The following TTLL7 variants were observed in gnomAD, a reference collection of about 807,000 sequenced individuals.
The protein encoded by TTLL7 is tubulin tyrosine ligase like 7, also known as tubulin polyglutamylase TTLL7.
Under a neutral mutation model 120.2 loss-of-function variants are expected in TTLL7, and 53 were observed. That is an observed-to-expected ratio of 0.44 (90% confidence interval 0.35 to 0.55). TTLL7 has a LOEUF of 0.55. Among genes scored for constraint, TTLL7 ranks in the 20% least tolerant of loss-of-function variants. TTLL7 has a pLI of 0.00. For missense variants in TTLL7, 803 were observed against 1,054.7 expected, an observed-to-expected ratio of 0.76 and a Z score of 3.31; for synonymous variants, 353 against 351.7, an observed-to-expected ratio of 1.00 and a Z score of -0.04.
chr1:83,911,397 A>G (rs1408474), intron 14 of TTLL7, 34 bp from the exon 15 acceptor site: 47,470 of 1,533,574 alleles, frequency 0.031, 930 homozygotes, highest in African/African-American at 0.069. Context: ...TTTTGTTAGA[A>G]TTCTTAAAAA....
intron 18 of TTLL7, among the ~76,000 whole-genome samples, chr1:83,895,249 G>T (rs1656112743): frequency 6.6e-6 from 1 of 151,974 alleles, no homozygotes; most frequent in African/African-American, 2.4e-5. Flanking sequence ...GGTCCCCAAG[G>T]CTTAAGACAA....
rs1001795602 is a variant in TTLL7, at chr1:83,950,388, T to C, written c.158-402A>G. 2.0e-5 allele frequency among the ~76,000 whole-genome samples: 3 copies of C among 152,146 alleles called. No homozygotes were observed. The South Asian group carries it at 6.2e-4, about 31-fold the overall frequency. ...CAAAAGTAAAAATATCCCCTGATCA[T>C]CACACCTATGCCATACTTTCCACCT... On this transcript the variant is annotated intron_variant, in intron 3 of 20. Coordinates refer to ENST00000260505, the MANE Select transcript of TTLL7 (RefSeq NM_024686.6).
At chr1:83,978,426 T>C (rs914979514) in intron 1 of TTLL7, among the ~76,000 whole-genome samples, 3 of 152,230 alleles carry the variant, frequency 2.0e-5, no homozygotes, top group East Asian at 1.9e-4. Context: ...AGATAAATTA[T>C]AGTCAGTTAA....
At chr1:83,877,741 C>T (rs1273011101) in intron 20 of TTLL7, among the ~76,000 whole-genome samples, 5 of 151,778 alleles carry the variant, frequency 3.3e-5, no homozygotes, top group Non-Finnish European at 7.4e-5. Context: ...CAGTCTCACC[C>T]GGTATTTACC....
rs369875894 is a variant in TTLL7, at chr1:83,947,330, T to C, written c.348-48A>G. 2.2e-4 allele frequency: 328 copies of C among 1,512,926 alleles called. 1 individual carries two copies. The highest frequency in any genetic ancestry group is 2.8e-4 in the Non-Finnish European group (308 of 1,119,582). The allele number at this position is 1,512,926 out of a possible 1,614,324, so 93.7% of individuals were successfully genotyped here. On this transcript the variant is annotated intron_variant, in intron 5 of 20. Coordinates refer to ENST00000260505, the MANE Select transcript of TTLL7 (RefSeq NM_024686.6). ...AAAATAATTTCTATTCAAACTAGCA[T>C]ATATTTTCTTTCTCTGGGCTACTGA... is the stretch of plus-strand genomic sequence containing the variant.
At chr1:83,873,681 T>C (rs116103329) in intron 20 of TTLL7, among the ~76,000 whole-genome samples, 4,432 of 152,280 alleles carry the variant, frequency 0.029, 99 homozygotes, top group Middle Eastern at 0.092. Context: ...AGTACAAACA[T>C]AGAGCCTGCA....
At position 83,892,361 on chromosome 1, in the gene TTLL7, T is replaced by C. The variant is rs61766867; in HGVS notation, c.2209-1880A>G. ...GAATATATATACGAATATATATGAA[T>C]ATATATACGAATATATATGAATATA... On this transcript the variant is annotated intron_variant, in intron 18 of 20. Coordinates refer to ENST00000260505, the MANE Select transcript of TTLL7 (RefSeq NM_024686.6). 1.8e-3 allele frequency among the ~76,000 whole-genome samples: 223 copies of C among 126,420 alleles called. 11 individuals carry two copies. Among genetic ancestry groups the C allele is most frequent in the African/African-American group, 5.7e-3 (188 of 33,114 alleles). 82.9% of individuals were successfully genotyped at this position (126,420 alleles called of 152,430 possible).
intron 10 of TTLL7, among the ~76,000 whole-genome samples, chr1:83,927,645 G>A (rs1022524782): frequency 3.3e-5 from 5 of 152,144 alleles, no homozygotes; most frequent in African/African-American, 9.7e-5. Context: ...ATTCTATTTA[G>A]GTTCTTGAGC....
intron 20 of TTLL7, among the ~76,000 whole-genome samples, chr1:83,875,194 T>C (rs890754488): frequency 6.6e-6 from 1 of 151,998 alleles, no homozygotes; most frequent in Non-Finnish European, 1.5e-5. Flanking sequence ...CTGACCTTTA[T>C]GGTAATTACT....
At chr1:83,901,262 T>C (rs997391658) in intron 18 of TTLL7, among the ~76,000 whole-genome samples, 1 of 151,994 alleles carries the variant, frequency 6.6e-6, no homozygotes, top group Non-Finnish European at 1.5e-5. Flanking sequence ...TATAAACTTA[T>C]CCTTCTGTAT....
chr1:83,891,395 A>G (rs1655447077), intron 18 of TTLL7, among the ~76,000 whole-genome samples: 1 of 152,156 alleles, frequency 6.6e-6, no homozygotes, highest in Non-Finnish European at 1.5e-5. Flanking sequence ...GCTGACAAAA[A>G]TTAAAAGTCT....
intron 1 of TTLL7, among the ~76,000 whole-genome samples, chr1:83,960,608 G>GATC (rs1649928488): frequency 6.6e-6 from 1 of 152,048 alleles, no homozygotes; most frequent in African/African-American, 2.4e-5. Flanking sequence ...TTGCAATAAG[G>GATC]GTGGATGAAA....
At chr1:83,928,993 A>C (rs1659366339) in intron 10 of TTLL7, 143 bp downstream of exon 10, 2 of 403,068 alleles carry the variant, frequency 5.0e-6, no homozygotes, top group African/African-American at 4.2e-5. Context: ...GAAATGAAAA[A>C]TACAAAATGG....
chr1:83,936,967 C>CT (rs548988075), intron 8 of TTLL7, among the ~76,000 whole-genome samples: 4 of 152,106 alleles, frequency 2.6e-5, no homozygotes, highest in African/African-American at 9.6e-5. Flanking sequence ...TGTCTGACAC[C>CT]TAAGGACCTT....
intron 20 of TTLL7, among the ~76,000 whole-genome samples, chr1:83,871,701 C>T (rs1375474574): frequency 6.6e-6 from 1 of 151,936 alleles, no homozygotes; most frequent in East Asian, 1.9e-4. Flanking sequence ...CGAGACCATC[C>T]TGGCTAACAT....
rs80117818 is a variant in TTLL7, at chr1:83,887,575, T to C, written c.2369+2746A>G. Among the ~76,000 whole-genome samples, 5 of 152,202 alleles carry C rather than the reference T, an allele frequency of 3.3e-5. No individual in the cohort carries two copies. The South Asian group carries it at 8.3e-4, about 25-fold the overall frequency. ...ACTAAATTGAAAGAAGTAGATGAGA[T>C]TGGAGTCAAATCGGTCTCAAAACTA... On this transcript the variant is annotated intron_variant, in intron 19 of 20. Coordinates refer to ENST00000260505, the MANE Select transcript of TTLL7 (RefSeq NM_024686.6).
chr1:83,973,798 T>A (rs1193380666), intron 1 of TTLL7, among the ~76,000 whole-genome samples: 1 of 152,012 alleles, frequency 6.6e-6, no homozygotes, highest in African/African-American at 2.4e-5. Flanking sequence ...ATGACTTCAT[T>A]TACACGAGGT....
chr1:83,897,457 T>A (rs1193649163), intron 18 of TTLL7, among the ~76,000 whole-genome samples: 2 of 152,220 alleles, frequency 1.3e-5, no homozygotes, highest in Non-Finnish European at 1.5e-5. Context: ...GTTTGTTAAA[T>A]TAAAATGTAT....
At chr1:83,900,700 G>A (rs1656646811) in intron 18 of TTLL7, among the ~76,000 whole-genome samples, 1 of 151,912 alleles carries the variant, frequency 6.6e-6, no homozygotes, top group South Asian at 2.1e-4. Context: ...TCTTTTACAC[G>A]TTCAGGCAAT....
Sources: gnomAD v4.1 joint callset for allele counts (sites outside exome capture counted in the v4.1 genomes callset) on GRCh38, gnomAD v4.1.1 for gene constraint, MANE v1.5 for transcripts, NCBI Gene and HGNC (gene_info 2026-07-23, HGNC 2026-07-21) for gene names.